The following TGFA variants were observed in gnomAD, a reference collection of about 807,000 sequenced individuals.
TGFA encodes the protein transforming growth factor alpha, also known as protransforming growth factor alpha.
A neutral mutation model predicts 21.7 loss-of-function variants in TGFA; 12 were observed. That is an observed-to-expected ratio of 0.55 (90% confidence interval 0.35 to 0.90). The LOEUF (loss-of-function observed/expected upper bound fraction) is 0.90. Among genes scored for constraint, TGFA ranks in the 40% least tolerant of loss-of-function variants. The pLI is 0.01. For synonymous variants in TGFA, 79 were observed against 88.1 expected (o/e 0.90, Z 0.58); for missense variants, 178 against 210.8 (o/e 0.84, Z 0.96).
intron 2 of TGFA, among the ~76,000 whole-genome samples, chr2:70,491,083 A>G (rs1553497529): frequency 6.6e-6 from 1 of 152,136 alleles, no homozygotes. Flanking sequence ...GAGTTCACCC[A>G]CCCACCTACC....
chr2:70,503,623 G>A (rs1671809564), intron 2 of TGFA, among the ~76,000 whole-genome samples: 1 of 150,684 alleles, frequency 6.6e-6, no homozygotes, highest in Admixed American at 6.6e-5. Context: ...ATAGTCCCCA[G>A]GGGGCACAGT....
intron 5 of TGFA, among the ~76,000 whole-genome samples, chr2:70,452,394 A>G (rs1396751182): frequency 6.6e-6 from 1 of 152,130 alleles, no homozygotes; most frequent in Non-Finnish European, 1.5e-5. Flanking sequence ...CCACATCCTG[A>G]TGTCTTCATG....
At chr2:70,500,250 G>A (rs1553498936) in intron 2 of TGFA, among the ~76,000 whole-genome samples, 1 of 152,164 alleles carries the variant, frequency 6.6e-6, no homozygotes, top group Admixed American at 6.5e-5. Context: ...CATGCAAGTG[G>A]CCTGGGCATC....
At chr2:70,462,184 A>C (rs551855731) in intron 3 of TGFA, among the ~76,000 whole-genome samples, 1 of 152,348 alleles carries the variant, frequency 6.6e-6, no homozygotes, top group South Asian at 2.1e-4. Context: ...GAGCAGGGAC[A>C]GAGTGTTCTA....
chr2:70,553,393 G>C, intron 1 of TGFA: 1 of 1,451,192 alleles, frequency 6.9e-7, no homozygotes, highest in Non-Finnish European at 9.0e-7. Context: ...AGGCAGCCAG[G>C]TAAGCAGGTA....
chr2:70,454,490 AG>A (rs1358714311), intron 4 of TGFA, among the ~76,000 whole-genome samples: 1 of 152,218 alleles, frequency 6.6e-6, no homozygotes, highest in African/African-American at 2.4e-5. Flanking sequence ...ATCCCATGCC[AG>A]GGGGCTCTAA....
chr2:70,511,737 T>A (rs1553500955), intron 2 of TGFA, among the ~76,000 whole-genome samples: 1 of 152,054 alleles, frequency 6.6e-6, no homozygotes, highest in Non-Finnish European at 1.5e-5. Flanking sequence ...ATTAGAAAGA[T>A]AGGGAGAATA....
chr2:70,501,299 C>T (rs1553499115), intron 2 of TGFA, among the ~76,000 whole-genome samples: 1 of 151,356 alleles, frequency 6.6e-6, no homozygotes, highest in Non-Finnish European at 1.5e-5. Context: ...TCTTCAGTGC[C>T]CTCAAGAGAG....
intron 2 of TGFA, among the ~76,000 whole-genome samples, chr2:70,485,018 C>T (rs941830758): frequency 3.3e-5 from 5 of 152,178 alleles, no homozygotes; most frequent in Non-Finnish European, 7.3e-5. Context: ...CATTGATTCG[C>T]TTCAGTTTTC....
intron 2 of TGFA, among the ~76,000 whole-genome samples, chr2:70,498,784 T>C (rs1671648729): frequency 6.6e-6 from 1 of 152,216 alleles, no homozygotes; most frequent in African/African-American, 2.4e-5. Context: ...TGACAAATGC[T>C]TTCACATTCA....
chr2:70,488,445 A>T (rs182493118), intron 2 of TGFA, among the ~76,000 whole-genome samples: 1 of 152,342 alleles, frequency 6.6e-6, no homozygotes, highest in East Asian at 1.9e-4. Flanking sequence ...ACAGTTTATC[A>T]TCTCCTTATT....
At chr2:70,541,972 C>A (rs1206148823) in intron 1 of TGFA, among the ~76,000 whole-genome samples, 2 of 152,156 alleles carry the variant, frequency 1.3e-5, no homozygotes, top group Non-Finnish European at 2.9e-5. Context: ...TCCTCCACTG[C>A]AAAACTTAAA....
chr2:70,457,786 C>T (rs1670283472), intron 3 of TGFA, among the ~76,000 whole-genome samples: 1 of 152,138 alleles, frequency 6.6e-6, no homozygotes, highest in Non-Finnish European at 1.5e-5. Flanking sequence ...AGGTGATCCA[C>T]CCACCTCGGC....
intron 1 of TGFA, among the ~76,000 whole-genome samples, chr2:70,528,442 A>G (rs2103895464): frequency 6.6e-6 from 1 of 151,556 alleles, no homozygotes; most frequent in African/African-American, 2.4e-5. Flanking sequence ...AGGCCGAGAA[A>G]AACAATGATC....
chr2:70,485,260 A>G (rs187308343), intron 2 of TGFA, among the ~76,000 whole-genome samples: 236 of 152,028 alleles, frequency 1.6e-3, no homozygotes, highest in African/African-American at 5.4e-3. Context: ...TCTTTTTGAG[A>G]CAGACTCTTG....
At chr2:70,501,650 TA>T (rs1671741606) in intron 2 of TGFA, among the ~76,000 whole-genome samples, 2 of 152,224 alleles carry the variant, frequency 1.3e-5, no homozygotes, top group African/African-American at 4.8e-5. Flanking sequence ...CCCCAGATGG[TA>T]AAGAATTTAA....
intron 3 of TGFA, among the ~76,000 whole-genome samples, chr2:70,464,092 C>T (rs1374093777): frequency 1.3e-5 from 2 of 152,234 alleles, no homozygotes; most frequent in Admixed American, 1.3e-4. Context: ...CACACAGCTG[C>T]ACCTCAGACA....
intron 2 of TGFA, among the ~76,000 whole-genome samples, chr2:70,494,267 G>C (rs188875679): frequency 6.6e-6 from 1 of 152,148 alleles, no homozygotes; most frequent in South Asian, 2.1e-4. Flanking sequence ...CCCATTTCAA[G>C]GTCCTTAACC....
intron 2 of TGFA, among the ~76,000 whole-genome samples, chr2:70,496,142 G>T (rs782688949): frequency 6.6e-6 from 1 of 152,170 alleles, no homozygotes; most frequent in East Asian, 1.9e-4. Flanking sequence ...CTGGGGGAAG[G>T]AGGTGGTGTT....
Sources: allele counts gnomAD v4.1 joint callset (sites outside exome capture counted in the v4.1 genomes callset), GRCh38; gene constraint gnomAD v4.1.1; transcripts MANE v1.5; gene names NCBI Gene and HGNC (gene_info 2026-07-23, HGNC 2026-07-21).